Variants in KLC1 observed in about 807,000 individuals in gnomAD.
KLC1 encodes kinesin 2 60/70kDa.
Under a neutral mutation model 84.2 loss-of-function variants are expected in KLC1, and 30 were observed. The observed-to-expected ratio is 0.36, with a 90% CI of 0.27 to 0.48. KLC1 has a LOEUF of 0.48. Ranked by LOEUF, KLC1 falls within the 20% of genes least tolerant of loss-of-function variation. The pLI is 0.99. For synonymous variants in KLC1, 289 were observed against 293.3 expected (o/e 0.99, Z 0.15); for missense variants, 499 against 805.4 (o/e 0.62, Z 4.60).
chr14:103,687,754 G>A (rs1292175306), intron 14 of KLC1: 3 of 152,166 alleles, frequency 2.0e-5, no homozygotes, highest in Non-Finnish European at 4.4e-5. Flanking sequence ...TTAAAAAAAG[G>A]TTTGAGTCAT....
At chr14:103,642,556 C>G (rs1333567896) in intron 1 of KLC1, among the ~76,000 whole-genome samples, 1 of 152,052 alleles carries the variant, frequency 6.6e-6, no homozygotes, top group African/African-American at 2.4e-5. Context: ...CAAATCAGAA[C>G]TCTTTGGAGT....
At chr14:103,689,886 A>G (rs1239154747) in intron 14 of KLC1, among the ~76,000 whole-genome samples, 2 of 152,212 alleles carry the variant, frequency 1.3e-5, no homozygotes, top group Non-Finnish European at 2.9e-5. Context: ...CTCTTTTAAA[A>G]AGAGTTAATG....
Position 103,694,104 on chromosome 14 carries a change from G to A in KLC1, c.1848+1679G>A, listed in dbSNP as rs371061901. 3 of 984,594 alleles carry A rather than the reference G, an allele frequency of 3.0e-6. No homozygotes were observed. Among genetic ancestry groups the A allele is most frequent in the Non-Finnish European group, 3.6e-6 (3 of 828,952 alleles). 61.0% of individuals were successfully genotyped at this position (984,594 alleles called of 1,614,324 possible). A position where few individuals can be genotyped will look rare whatever the true frequency, so the allele number is the denominator to read the frequency against. On this transcript the variant is annotated intron_variant, in intron 15 of 16. Transcript: ENST00000334553. The surrounding 1 kb of genome is among the most constrained non-coding windows in gnomAD (Gnocchi z 4.5). ...AAGCTTAGCGGACACTGGTCAGTGG[G>A]AAGTGAATTCCTTCCCAGCTGGAGC...
chr14:103,691,162 T>TTC (rs2082087196), intron 14 of KLC1, among the ~76,000 whole-genome samples: 1 of 149,508 alleles, frequency 6.7e-6, no homozygotes, highest in South Asian at 2.2e-4. Context: ...CCACTTTTTT[T>TTC]TTTTTTTTTT....
intron 1 of KLC1, among the ~76,000 whole-genome samples, chr14:103,650,984 T>C (rs2078387959): frequency 6.6e-6 from 1 of 152,010 alleles, no homozygotes; most frequent in African/African-American, 2.4e-5. Flanking sequence ...TAAGTAGACT[T>C]GTCAGTCGTT....
intron 15 of KLC1, chr14:103,695,418 A>G (rs1052647387): frequency 1.0e-4 from 102 of 984,588 alleles, no homozygotes; most frequent in Non-Finnish European, 1.2e-4. Flanking sequence ...CCCCCCCCAA[A>G]AAAAGGGGGG....
At chr14:103,678,785 A>G (rs1465555904) in intron 12 of KLC1, among the ~76,000 whole-genome samples, 2 of 152,230 alleles carry the variant, frequency 1.3e-5, no homozygotes, top group African/African-American at 4.8e-5. Flanking sequence ...TGGTATCCAG[A>G]CAAAAAGACA....
chr14:103,633,552 T>G lies in KLC1; in HGVS notation c.-2+4058T>G, dbSNP rs181679244. On this transcript the variant is annotated intron_variant, in intron 1 of 16. Transcript: ENST00000334553. ...AGGGGCTGGGCTGTAAGGGTTATAG[T>G]GGAGCTGATTTGGGGCTGACTGGAT... 4.4e-3 allele frequency among the ~76,000 whole-genome samples: 667 copies of G among 152,198 alleles called. 3 individuals are homozygous for G. Among genetic ancestry groups the G allele is most frequent in the Middle Eastern group, 0.01 (3 of 294 alleles).
At chr14:103,670,841 G>T (rs2080317982) in intron 7 of KLC1, among the ~76,000 whole-genome samples, 1 of 151,838 alleles carries the variant, frequency 6.6e-6, no homozygotes, top group South Asian at 2.1e-4. Context: ...CCAGCACTTT[G>T]GGAGGCCAAG....
chr14:103,685,587 T>C (rs775906350), intron 13 of KLC1: 11 of 1,289,254 alleles, frequency 8.5e-6, no homozygotes, highest in East Asian at 5.5e-5. Flanking sequence ...GCCTGTTGCC[T>C]TTCCTCGCCG....
chr14:103,657,109 T>C (rs1193655486), intron 2 of KLC1, among the ~76,000 whole-genome samples: 1 of 152,204 alleles, frequency 6.6e-6, no homozygotes, highest in Non-Finnish European at 1.5e-5. Context: ...GTATGTGCAC[T>C]GTTCTCTGAC....
rs997725840 is a variant in KLC1 at position 103,654,594 on chromosome 14, C to T, written c.30C>T (p.Tyr10=). 10 of 1,613,568 alleles carry T rather than the reference C, an allele frequency of 6.2e-6. 1 individual carries two copies. The African/African-American group carries it at 1.3e-4, about 22-fold the overall frequency. ...ATGACAACATGTCCACAATGGTGTA[C>T]ATAAAGGAAGACAAGTTGGAGAAGC... MYDNMSTMV[Y]IKEDKLEKLT... Residue 10 remains tyrosine (Y), a synonymous_variant, in exon 2 of 17, where the codon TAC becomes TAT. Coordinates refer to ENST00000334553, the MANE Select transcript of KLC1 (RefSeq NM_001394837.1).
intron 13 of KLC1, chr14:103,685,050 GGCGGGGCGCAGGCCCT>G (rs1253654220): frequency 1.3e-6 from 2 of 1,548,278 alleles, no homozygotes; most frequent in African/African-American, 2.7e-5. Flanking sequence ...AGTCCGAGCG[GGCGGGGCGCAGGCCCT>G]GCCGTCTGGC....
At chr14:103,686,267 C>T (rs1595556097) in intron 13 of KLC1, 4 of 976,626 alleles carry the variant, frequency 4.1e-6, no homozygotes, top group Non-Finnish European at 4.9e-6. Context: ...ACTTCTCACT[C>T]TTTATCCATG....
chr14:103,692,205 A>G (rs1286666338), intron 14 of KLC1, among the ~76,000 whole-genome samples, 154 bp from the exon 15 acceptor site: 1 of 152,244 alleles, frequency 6.6e-6, no homozygotes, highest in Non-Finnish European at 1.5e-5. Flanking sequence ...AGAGTGAGAC[A>G]TAGGACTCCC....
At chr14:103,643,116 A>G (rs896251950) in intron 1 of KLC1, among the ~76,000 whole-genome samples, 7 of 152,218 alleles carry the variant, frequency 4.6e-5, no homozygotes, top group Non-Finnish European at 8.8e-5. Context: ...CACCTAAAGT[A>G]TAAAACAAAT....
Position 103,657,664 on chromosome 14 carries a change from C to G in KLC1, c.380C>G (p.Thr127Arg). 6.2e-7 allele frequency: 1 copy of G among 1,614,054 alleles called. No homozygotes were observed. The highest frequency in any genetic ancestry group is 1.1e-5 in the South Asian group (1 of 91,082). The change falls in exon 3 of 17, where the codon ACG becomes AGG. Residue 127 changes from threonine to arginine, a missense_variant. By Grantham distance (71) the Thr-to-Arg change is moderately conservative. This residue lies in a region of KLC1 where 179 missense variants were observed against 264.2 expected (regional missense o/e 0.68). Transcript: ENST00000334553. ...TGGCTACGGGATGAACTGGCCAACA[C>G]GCAGCAGAAACTGCAGAAGAGTGAG... ...NQWLRDELANTQQKLQKSEQS... is the reference protein window; with the variant it reads ...NQWLRDELANRQQKLQKSEQS...
rs530758320 is a variant in KLC1, at chr14:103,650,581, CT to C, written c.-1-3966del. Among the ~76,000 whole-genome samples, 561 of 135,784 alleles carry C rather than the reference CT, an allele frequency of 4.1e-3. 1 individual carries two copies. Among genetic ancestry groups the C allele is most frequent in the Middle Eastern group, 0.011 (3 of 264 alleles). 89.1% of individuals were successfully genotyped at this position (135,784 alleles called of 152,430 possible). A position where few individuals can be genotyped will look rare whatever the true frequency, so the allele number is the denominator to read the frequency against. On this transcript the variant is annotated intron_variant, in intron 1 of 16. Coordinates refer to ENST00000334553, the MANE Select transcript of KLC1 (RefSeq NM_001394837.1). Reference sequence around the variant, plus strand: ...CTGTTACTTAGCGGTAGCCTGTATACTTTTTTTTTTTTTTTTTGAGATGGAG... The same window carrying C: ...CTGTTACTTAGCGGTAGCCTGTATACTTTTTTTTTTTTTTTTGAGATGGAG...
chr14:103,663,573 C>T (rs1337242155), intron 5 of KLC1, among the ~76,000 whole-genome samples: 7 of 152,270 alleles, frequency 4.6e-5, no homozygotes, highest in Non-Finnish European at 7.3e-5. Context: ...CTTGGCCTGG[C>T]GGTGTCTTCC....
Sources: gnomAD v4.1 joint callset for allele counts (sites outside exome capture counted in the v4.1 genomes callset) on GRCh38, gnomAD v4.1.1 for gene constraint, gnomAD v4.1.1 regional missense constraint, Gnocchi (gnomAD v3.1) non-coding constraint, MANE v1.5 for transcripts, NCBI Gene and HGNC (gene_info 2026-07-23, HGNC 2026-07-21) for gene names.